Variants in CHRM3 observed in about 807,000 individuals in gnomAD.
CHRM3 encodes cholinergic receptor muscarinic 3.
CHRM3 carries 11 observed loss-of-function variants against 41.8 expected under a neutral mutation model. The observed-to-expected ratio is 0.26, with a 90% CI of 0.17 to 0.44. CHRM3 has a LOEUF of 0.44. CHRM3 is among the 20% of genes least tolerant of loss of function. The pLI, the probability that CHRM3 is intolerant of heterozygous loss-of-function variation, is 1.00. For missense variants in CHRM3, 571 were observed against 745.4 expected, an observed-to-expected ratio of 0.77 and a Z score of 2.72; for synonymous variants, 297 against 301.4, an observed-to-expected ratio of 0.99 and a Z score of 0.15.
At chr1:239,460,529 T>C (rs2147875686) in intron 1 of CHRM3, among the ~76,000 whole-genome samples, 1 of 152,288 alleles carries the variant, frequency 6.6e-6, no homozygotes, top group East Asian at 1.9e-4. Flanking sequence ...ATTCTCCTCT[T>C]TCTATATTAT....
intron 6 of CHRM3, among the ~76,000 whole-genome samples, chr1:239,873,153 G>A (rs1229843499): frequency 1.3e-5 from 2 of 152,022 alleles, no homozygotes; most frequent in Non-Finnish European, 2.9e-5. Flanking sequence ...ATCATGTACT[G>A]TGTCTATCTG....
rs1558195350 is a variant in CHRM3 at position 239,404,392 on chromosome 1, GAAAGAAAGAAAGAAAGAAAA to G, written c.-521+17167_-521+17186del. Among the ~76,000 whole-genome samples, 305 of 69,850 alleles carry G rather than the reference GAAAGAAAGAAAGAAAGAAAA, an allele frequency of 4.4e-3. 3 individuals are homozygous for G. Among genetic ancestry groups the G allele is most frequent in the Middle Eastern group, 5.7e-3 (1 of 176 alleles). 45.8% of individuals were successfully genotyped at this position (69,850 alleles called of 152,430 possible). The stretch of plus-strand genomic sequence containing the variant: ...AGAAAGAAAGAAAGAAAGAAAGAAA[GAAAGAAAGAAAGAAAGAAAA>G]AGAAAGAAAGAAAGAAAGAAAGAAA... On this transcript the variant is annotated intron_variant, in intron 1 of 6. Coordinates refer to ENST00000676153, the MANE Select transcript of CHRM3 (RefSeq NM_001375978.1).
At chr1:239,672,629 C>CACAG (rs1193745934) in intron 4 of CHRM3, among the ~76,000 whole-genome samples, 10 of 151,362 alleles carry the variant, frequency 6.6e-5, no homozygotes, top group East Asian at 5.8e-4. Context: ...CACACACACA[C>CACAG]AGAAAGGGGT....
At chr1:239,728,501 T>C (rs1302692110) in intron 5 of CHRM3, among the ~76,000 whole-genome samples, 1 of 152,028 alleles carries the variant, frequency 6.6e-6, no homozygotes, top group Non-Finnish European at 1.5e-5. Flanking sequence ...AATCTTTGTT[T>C]GCCTATATAT....
At position 239,482,800 on chromosome 1, in the gene CHRM3, C is replaced by A. The variant is rs1384786153; in HGVS notation, c.-520-9909C>A. The stretch of plus-strand genomic sequence containing the variant: ...AGCTTAGTGGCTAGAAATTAGTAGA[C>A]TGTCAGTAAATATTTGTCAAATGAT... On this transcript the variant is annotated intron_variant, in intron 1 of 6. Coordinates refer to ENST00000676153, the MANE Select transcript of CHRM3 (RefSeq NM_001375978.1). Among the ~76,000 whole-genome samples the A allele has an allele frequency of 3.3e-5, 5 of 152,160 alleles. 1 individual carries two copies. The highest frequency in any genetic ancestry group is 4.8e-5 in the African/African-American group (2 of 41,432).
rs191994556 is a variant in CHRM3 at position 239,640,319 on chromosome 1, G to A, written c.-250+8033G>A. Reference sequence around the variant, plus strand: ...AGGATTCTCTCTTTTTCTATTGATTGGAATAGTTTCAGAAGGAATGGTACC... The same window carrying A: ...AGGATTCTCTCTTTTTCTATTGATTAGAATAGTTTCAGAAGGAATGGTACC... On this transcript the variant is annotated intron_variant, in intron 4 of 6. Transcript: ENST00000676153. 6.7e-3 allele frequency among the ~76,000 whole-genome samples: 1,017 copies of A among 152,224 alleles called. 9 individuals carry two copies. The highest frequency in any genetic ancestry group is 9.5e-3 in the Non-Finnish European group (645 of 68,016).
At position 239,410,517 on chromosome 1, in the gene CHRM3, A is replaced by G. The variant is rs140759850; in HGVS notation, c.-521+23290A>G. On this transcript the variant is annotated intron_variant, in intron 1 of 6. Coordinates refer to ENST00000676153, the MANE Select transcript of CHRM3 (RefSeq NM_001375978.1). ...GATACCATCTCTGTAAAATGCACACATCAGTCATTTCCCAGGGCAGAAGAC... is the reference window on the plus strand; with the variant it reads ...GATACCATCTCTGTAAAATGCACACGTCAGTCATTTCCCAGGGCAGAAGAC... Among the ~76,000 whole-genome samples, 1,208 of 152,248 alleles carry G rather than the reference A, an allele frequency of 7.9e-3. 13 individuals are homozygous for G. Among genetic ancestry groups the G allele is most frequent in the African/African-American group, 0.028 (1,158 of 41,538 alleles).
intron 6 of CHRM3, among the ~76,000 whole-genome samples, chr1:239,896,631 G>A (rs770944223): frequency 6.6e-6 from 1 of 152,104 alleles, no homozygotes; most frequent in Admixed American, 6.5e-5. Context: ...ATTTTTCTGG[G>A]TCTGTATGAT....
chr1:239,438,187 CA>C (rs1256467128), intron 1 of CHRM3, among the ~76,000 whole-genome samples: 1 of 152,156 alleles, frequency 6.6e-6, no homozygotes, highest in African/African-American at 2.4e-5. Context: ...AGTACATTTA[CA>C]TTTATTTCCA....
intron 3 of CHRM3, among the ~76,000 whole-genome samples, chr1:239,618,903 T>C (rs529771536): frequency 8.1e-6 from 1 of 124,000 alleles, no homozygotes; most frequent in South Asian, 2.5e-4. Context: ...CTCTCTTTTT[T>C]ATGATTTATT....
intron 1 of CHRM3, among the ~76,000 whole-genome samples, chr1:239,390,969 T>A (rs1175345147): frequency 6.6e-6 from 1 of 152,134 alleles, no homozygotes; most frequent in African/African-American, 2.4e-5. Context: ...AGACCCCATC[T>A]CTACAAAAAG....
intron 3 of CHRM3, among the ~76,000 whole-genome samples, chr1:239,609,591 T>C (rs1252343272): frequency 6.6e-6 from 1 of 152,210 alleles, no homozygotes; most frequent in African/African-American, 2.4e-5. Context: ...AAAACGGTTA[T>C]AGCATTTTAC....
At chr1:239,442,729 A>T (rs947711276) in intron 1 of CHRM3, among the ~76,000 whole-genome samples, 1 of 152,176 alleles carries the variant, frequency 6.6e-6, no homozygotes, top group South Asian at 2.1e-4. Context: ...TTTACAAGGG[A>T]CCCAGAAGTG....
Position 239,907,530 on chromosome 1 carries a change from G to A in CHRM3, c.79G>A (p.Ala27Thr), listed in dbSNP as rs201891859. 3.1e-6 allele frequency: 5 copies of A among 1,614,036 alleles called. No homozygotes were observed. The Admixed American group carries it at 5.0e-5, about 16-fold the overall frequency. The change falls in exon 7 of 7, where the codon GCA (alanine) becomes ACA (threonine). Residue 27 changes from alanine (A) to threonine (T), a missense_variant. By Grantham distance (58) the Ala-to-Thr change is moderately conservative. Transcript: ENST00000676153. This position sits in a 1 kb window ranked among gnomAD's most constrained non-coding sequence, Gnocchi z 5.4. ...CTCCTGGATACACAGCCCCTCCGAT[G>A]CAGGGCTGCCCCCGGGAACCGTCAC... is the stretch of plus-strand genomic sequence containing the variant. ...SSSWIHSPSD[A>T]GLPPGTVTHF...
intron 4 of CHRM3, among the ~76,000 whole-genome samples, chr1:239,676,725 T>TTAC (rs1658038210): frequency 6.6e-6 from 1 of 152,184 alleles, no homozygotes; most frequent in South Asian, 2.1e-4. Flanking sequence ...CCCTAGCACA[T>TTAC]GGTAGGGGTG....
At chr1:239,640,116 C>A (rs1573070422) in intron 4 of CHRM3, among the ~76,000 whole-genome samples, 1 of 151,352 alleles carries the variant, frequency 6.6e-6, no homozygotes, top group Non-Finnish European at 1.5e-5. Context: ...GGATGAAGCC[C>A]ACTTGATCAT....
chr1:239,441,982 A>G (rs1230496915), intron 1 of CHRM3, among the ~76,000 whole-genome samples: 1 of 152,210 alleles, frequency 6.6e-6, no homozygotes. Flanking sequence ...ATTCAGTATT[A>G]TTTGATTTTC....
intron 3 of CHRM3, among the ~76,000 whole-genome samples, chr1:239,602,106 GTGTGTATATA>G (rs1665636575): frequency 7.7e-6 from 1 of 129,262 alleles, no homozygotes; most frequent in African/African-American, 3.5e-5. Flanking sequence ...GTGTGTGTGT[GTGTGTATATA>G]TATATATATA....
intron 1 of CHRM3, among the ~76,000 whole-genome samples, chr1:239,433,548 G>C (rs970048221): frequency 6.6e-6 from 1 of 151,974 alleles, no homozygotes; most frequent in African/African-American, 2.4e-5. Flanking sequence ...GTGAGATTTT[G>C]GTGCACCCAT....
Sources: gnomAD v4.1 joint callset for allele counts (sites outside exome capture counted in the v4.1 genomes callset) on GRCh38, gnomAD v4.1.1 for gene constraint, Gnocchi (gnomAD v3.1) non-coding constraint, MANE v1.5 for transcripts, NCBI Gene and HGNC (gene_info 2026-07-23, HGNC 2026-07-21) for gene names.